Variants in JPH3 observed in about 807,000 individuals in gnomAD.
JPH3 encodes the protein junctophilin 3, also known as junctophilin-3.
JPH3 carries 11 observed loss-of-function variants against 59.6 expected under a neutral mutation model. That is an observed-to-expected ratio of 0.18 (90% CI 0.12 to 0.31). The LOEUF is 0.31. Ranked by LOEUF, JPH3 falls within the 10% of genes least tolerant of loss-of-function variation. The probability of loss-of-function intolerance (pLI) is 1.00; values close to 1 mark genes in which losing one functional copy is unlikely to be tolerated. For synonymous variants in JPH3, 673 were observed against 483.6 expected (o/e 1.39, Z -5.14); for missense variants, 1,202 against 1,105.7 (o/e 1.09, Z -1.24).
chr16:87,670,650 G>A (rs976345714), intron 2 of JPH3, among the ~76,000 whole-genome samples: 2 of 152,270 alleles, frequency 1.3e-5, no homozygotes, highest in East Asian at 1.9e-4. Context: ...CGGATGGGAC[G>A]CAGGGTACCG....
At chr16:87,686,710 T>C (rs989151284) in intron 3 of JPH3, among the ~76,000 whole-genome samples, 1 of 151,968 alleles carries the variant, frequency 6.6e-6, no homozygotes, top group African/African-American at 2.4e-5. Context: ...GGCTCAGTCC[T>C]GGATTCAGAG....
chr16:87,608,043 GC>G (rs1203353049), intron 1 of JPH3, among the ~76,000 whole-genome samples: 2 of 152,272 alleles, frequency 1.3e-5, no homozygotes, highest in Non-Finnish European at 2.9e-5. Context: ...CGTTTGATGG[GC>G]TTTGTGTGAG....
chr16:87,627,140 T>G (rs1165065371), intron 1 of JPH3, among the ~76,000 whole-genome samples: 2 of 152,214 alleles, frequency 1.3e-5, no homozygotes, highest in Non-Finnish European at 2.9e-5. Flanking sequence ...GTTGCCAAAG[T>G]TCTCCAGGTG....
At chr16:87,669,268 G>T (rs113321286) in intron 2 of JPH3, among the ~76,000 whole-genome samples, 18 of 152,192 alleles carry the variant, frequency 1.2e-4, no homozygotes, top group African/African-American at 4.3e-4. Flanking sequence ...CAGGATGCTT[G>T]CCTGCTGGGT....
intron 1 of JPH3, among the ~76,000 whole-genome samples, chr16:87,636,811 T>C (rs1242251824): frequency 1.3e-5 from 2 of 152,372 alleles, no homozygotes; most frequent in Non-Finnish European, 2.9e-5. Context: ...CGTCAGTTCA[T>C]GCGTCGCTTA....
chr16:87,642,724 G>C (rs2031995313), intron 1 of JPH3, among the ~76,000 whole-genome samples: 1 of 152,202 alleles, frequency 6.6e-6, no homozygotes, highest in Non-Finnish European at 1.5e-5. Context: ...GCGTCGTGCT[G>C]AGGCCCAGCC....
intron 1 of JPH3, among the ~76,000 whole-genome samples, chr16:87,616,178 C>T (rs973049213): frequency 2.0e-4 from 30 of 146,690 alleles, no homozygotes; most frequent in Non-Finnish European, 4.3e-4. Context: ...AGAACAGCAA[C>T]GCAATCTGGT....
intron 2 of JPH3, among the ~76,000 whole-genome samples, chr16:87,664,547 C>T (rs566029695): frequency 6.6e-6 from 1 of 152,192 alleles, no homozygotes; most frequent in Admixed American, 6.5e-5. Flanking sequence ...ATTGCTTGAA[C>T]CTGGGAGGCG....
rs753922019 is a variant in JPH3, at chr16:87,644,490, G to T, written c.615G>T (p.Glu205Asp). The T allele has an allele frequency of 1.9e-6, 3 of 1,612,824 alleles. No homozygotes were observed. In the African/African-American group the frequency reaches 4.0e-5, roughly 22 times the overall value. The change falls in exon 2 of 5, where the codon GAG (glutamate) becomes GAT (aspartate). Residue 205 changes from glutamate to aspartate, a missense_variant. Coordinates refer to ENST00000284262, the MANE Select transcript of JPH3 (RefSeq NM_020655.4). ...TGCTCGTGGCCCACAGTGACTCCGA[G>T]ATCCTCAAGAGCAAGAAGAAGGGGC... ...GFVLVAHSDSEILKSKKKGLF... is the reference protein window; with the variant it reads ...GFVLVAHSDSDILKSKKKGLF...
chr16:87,625,814 C>T lies in JPH3; in HGVS notation c.383-18444C>T, dbSNP rs917890833. On this transcript the variant is annotated intron_variant, in intron 1 of 4. Coordinates refer to ENST00000284262, the MANE Select transcript of JPH3 (RefSeq NM_020655.4). ...TGGGGTGGGGAGGGAAGTGCAGGGA[C>T]GGGAGAACCGCAGCGGCTTGTAGAC... 9.2e-5 allele frequency among the ~76,000 whole-genome samples: 14 copies of T among 152,132 alleles called. 1 individual carries two copies. The South Asian group carries it at 2.1e-3, about 23-fold the overall frequency.
chr16:87,644,990 G>T lies in JPH3; in HGVS notation c.1115G>T (p.Arg372Leu). The T allele has an allele frequency of 1.2e-6, 2 of 1,608,334 alleles. No homozygotes were observed. The highest frequency in any genetic ancestry group is 8.5e-7 in the Non-Finnish European group (1 of 1,179,656). The part of the protein sequence containing the change: ...KVDRAVEAAE[R>L]AATIAKQKAE... ...GACCGCGCCGTTGAGGCCGCTGAGC[G>T]GGCCGCCACCATCGCCAAGCAGAAG... The change falls in exon 2 of 5, where the codon CGG becomes CTG. Residue 372 changes from arginine to leucine, a missense_variant. Arg to Leu is a moderately radical substitution (Grantham distance 102, BLOSUM62 -2). Transcript: ENST00000284262.
rs769968009 is a variant in JPH3 at position 87,644,425 on chromosome 16, G to A, written c.550G>A (p.Ala184Thr). 6.2e-7 allele frequency: 1 copy of A among 1,612,034 alleles called. No homozygotes were observed. The highest frequency in any genetic ancestry group is 8.5e-7 in the Non-Finnish European group (1 of 1,179,382). Reference sequence around the variant, plus strand: ...GGCGCTGCATCCCGACGCCTCTCCGGCGGTGGCCGGCAGCCCGGCCGTGTC... The same window carrying A: ...GGCGCTGCATCCCGACGCCTCTCCGACGGTGGCCGGCAGCCCGGCCGTGTC... ...GTALHPDASP[A>T]VAGSPAVSRG... is the part of the protein sequence containing the mutation. Residue 184 changes from alanine (A) to threonine (T), a missense_variant, in exon 2 of 5, where the codon GCG (alanine) becomes ACG (threonine). Transcript: ENST00000284262.
At chr16:87,682,136 G>A (rs2033311805) in intron 2 of JPH3, among the ~76,000 whole-genome samples, 1 of 152,230 alleles carries the variant, frequency 6.6e-6, no homozygotes, top group African/African-American at 2.4e-5. Flanking sequence ...CCCTGGTGGG[G>A]CATTCCCAGC....
At position 87,644,260 on chromosome 16, in the gene JPH3, A is replaced by G; in HGVS notation, c.385A>G (p.Thr129Ala). ...YGTETYSDGG[T>A]YQGQWVGGMR... ...CCCCTCTCTCATTTTCTCCCCAGGG[A>G]CCTACCAGGGCCAGTGGGTCGGTGG... is the stretch of plus-strand genomic sequence containing the variant. Residue 129 changes from threonine (T) to alanine (A), a missense_variant and splice_region_variant, in exon 2 of 5, where the codon ACC (threonine) becomes GCC (alanine). Physicochemically the swap from Thr to Ala is moderately conservative, Grantham distance 58. Transcript: ENST00000284262. 2 of 1,603,618 alleles carry G rather than the reference A, an allele frequency of 1.2e-6. No homozygotes were observed. Among genetic ancestry groups the G allele is most frequent in the Non-Finnish European group, 1.7e-6 (2 of 1,174,902 alleles).
At chr16:87,613,095 C>CTTT (rs1190988631) in intron 1 of JPH3, among the ~76,000 whole-genome samples, 7 of 128,732 alleles carry the variant, frequency 5.4e-5, no homozygotes, top group South Asian at 2.4e-4. Context: ...CTTTCTTTCT[C>CTTT]TTTTTTTTTT....
chr16:87,690,425 C>G lies in JPH3; in HGVS notation c.2065C>G (p.Arg689Gly), dbSNP rs769549796. Residue 689 changes from arginine to glycine, a missense_variant, in exon 4 of 5, where the codon CGG (arginine) becomes GGG (glycine). Physicochemically the swap from Arg to Gly is moderately radical, Grantham distance 125 (BLOSUM62 -2). Transcript: ENST00000284262. ...ASLRLGGAEP[R>G]LLRWDLTFSP... ...CCTGCGGCTGGGCGGGGCCGAGCCC[C>G]GGTTGCTGCGTTGGGACTTGACCTT... is the stretch of plus-strand genomic sequence containing the variant. 7 of 1,498,828 alleles carry G rather than the reference C, an allele frequency of 4.7e-6. No individual in the cohort carries two copies. The highest frequency in any genetic ancestry group is 1.4e-5 in the African/African-American group (1 of 70,906). The allele number at this position is 1,498,828 out of a possible 1,614,324, so 92.8% of individuals were successfully genotyped here.
At position 87,684,277 on chromosome 16, in the gene JPH3, C is replaced by G. The variant is rs1406599050; in HGVS notation, c.1285+11C>G. ...AGCACCGGGAAAACGGTGAGTCTCG[C>G]CGGGCCTGATACTGGCATCGTGGGG... On this transcript the variant is annotated intron_variant, in intron 3 of 4. Transcript: ENST00000284262. 3.7e-6 allele frequency: 6 copies of G among 1,613,586 alleles called. No individual in the cohort carries two copies. In the Admixed American group the frequency reaches 8.3e-5, roughly 22 times the overall value.
At chr16:87,626,251 T>C (rs1460258113) in intron 1 of JPH3, among the ~76,000 whole-genome samples, 1 of 152,162 alleles carries the variant, frequency 6.6e-6, no homozygotes, top group Non-Finnish European at 1.5e-5. Context: ...TATTTCATTG[T>C]GCACACGTGC....
intron 1 of JPH3, among the ~76,000 whole-genome samples, chr16:87,633,840 G>C (rs143220796): frequency 6.6e-6 from 1 of 152,022 alleles, no homozygotes; most frequent in Non-Finnish European, 1.5e-5. Context: ...CGATGTAGGG[G>C]ACATGGTCTC....
Sources: gnomAD v4.1 joint callset for allele counts (sites outside exome capture counted in the v4.1 genomes callset) on GRCh38, gnomAD v4.1.1 for gene constraint, MANE v1.5 for transcripts, NCBI Gene and HGNC (gene_info 2026-07-23, HGNC 2026-07-21) for gene names.